The following ZNF804A variants were observed in gnomAD, a reference collection of about 807,000 sequenced individuals.
ZNF804A encodes zinc finger protein 804A.
A neutral mutation model predicts 16.5 loss-of-function variants in ZNF804A; 2 were observed. That is an observed-to-expected ratio of 0.12 (90% confidence interval 0.05 to 0.38). The LOEUF is 0.38. Among genes scored for constraint, ZNF804A ranks in the 10% least tolerant of loss-of-function variants. The pLI is 0.99. For missense variants in ZNF804A, 1,473 were observed against 1,390.7 expected, an observed-to-expected ratio of 1.06 and a Z score of -0.94; for synonymous variants, 534 against 489.6, an observed-to-expected ratio of 1.09 and a Z score of -1.20.
intron 2 of ZNF804A, among the ~76,000 whole-genome samples, chr2:184,873,911 T>C (rs1020221536): frequency 2.0e-5 from 3 of 152,132 alleles, no homozygotes; most frequent in African/African-American, 7.2e-5. Flanking sequence ...GAAAATAATC[T>C]TGTAAATTTA....
chr2:184,749,413 T>A (rs183457998), intron 1 of ZNF804A, among the ~76,000 whole-genome samples: 99 of 151,466 alleles, frequency 6.5e-4, no homozygotes, highest in African/African-American at 2.3e-3. Flanking sequence ...TCCTGATATT[T>A]GTACATTTAT....
At chr2:184,856,552 C>T (rs72905774) in intron 1 of ZNF804A, among the ~76,000 whole-genome samples, 2 of 151,808 alleles carry the variant, frequency 1.3e-5, no homozygotes, top group Admixed American at 6.6e-5. Flanking sequence ...CTGTTAAGTA[C>T]GTATGTGTAA....
intron 1 of ZNF804A, among the ~76,000 whole-genome samples, chr2:184,797,200 A>T (rs2105781168): frequency 6.6e-6 from 1 of 152,222 alleles, no homozygotes; most frequent in African/African-American, 2.4e-5. Context: ...TGTCTTCATG[A>T]CCTGCCTAGT....
chr2:184,785,619 G>A (rs902949914), intron 1 of ZNF804A, among the ~76,000 whole-genome samples: 16 of 151,868 alleles, frequency 1.1e-4, no homozygotes, highest in African/African-American at 3.9e-4. Context: ...TCCAATTCAA[G>A]TCTGGCTAAG....
At chr2:184,625,260 C>T (rs359887) in intron 1 of ZNF804A, among the ~76,000 whole-genome samples, 148,851 of 152,284 alleles carry the variant, frequency 0.98, 72,807 homozygotes, top group Non-Finnish European at 0.99. Flanking sequence ...ATTATAAATA[C>T]GACAAAAATT....
intron 1 of ZNF804A, among the ~76,000 whole-genome samples, chr2:184,725,418 A>C (rs761530704): frequency 1.3e-5 from 2 of 151,740 alleles, no homozygotes; most frequent in Non-Finnish European, 3.0e-5. Flanking sequence ...AGTAAATATA[A>C]AATAATATGA....
intron 1 of ZNF804A, among the ~76,000 whole-genome samples, chr2:184,756,602 T>C (rs542771857): frequency 6.6e-6 from 1 of 152,066 alleles, no homozygotes; most frequent in Non-Finnish European, 1.5e-5. Flanking sequence ...CATAAAGGAG[T>C]GCCTAATGTA....
chr2:184,936,634 A>C lies in ZNF804A; in HGVS notation c.1238A>C (p.Lys413Thr), dbSNP rs1360098509. The C allele has an allele frequency of 6.2e-7, 1 of 1,613,928 alleles. No individual in the cohort carries two copies. The highest frequency in any genetic ancestry group is 1.3e-5 in the African/African-American group (1 of 74,920). The part of the protein sequence containing the change: ...NTEEVNITIH[K>T]KTNFCKRQCE... Reference sequence around the variant, plus strand: ...GAAGAGGTTAACATAACTATACATAAGAAAACAAATTTCTGCAAAAGACAA... The same window carrying C: ...GAAGAGGTTAACATAACTATACATACGAAAACAAATTTCTGCAAAAGACAA... Residue 413 changes from lysine (K) to threonine (T), a missense_variant, in exon 4 of 4, where the codon AAG becomes ACG. Physicochemically the swap from Lys to Thr is moderately conservative, Grantham distance 78. Coordinates refer to ENST00000302277, the MANE Select transcript of ZNF804A (RefSeq NM_194250.2).
chr2:184,598,867 C>T lies in ZNF804A; in HGVS notation c.-93C>T. 1 of 712,592 alleles carries T rather than the reference C, an allele frequency of 1.4e-6. No homozygotes were observed. Among genetic ancestry groups the T allele is most frequent in the Non-Finnish European group, 2.1e-6 (1 of 480,038 alleles). 44.1% of individuals were successfully genotyped at this position (712,592 alleles called of 1,614,324 possible). A position where few individuals can be genotyped will look rare whatever the true frequency, so the allele number is the denominator to read the frequency against. ...TGGCTGCGTGCCCTCGTGGCGGGTT[C>T]CCAGCCCACCGTCGCCGGCCCCGGC... is the stretch of plus-strand genomic sequence containing the variant. On this transcript the variant is annotated 5_prime_UTR_variant, in exon 1 of 4. Transcript: ENST00000302277.
chr2:184,768,504 G>A (rs1574203210), intron 1 of ZNF804A, among the ~76,000 whole-genome samples: 1 of 152,166 alleles, frequency 6.6e-6, no homozygotes, highest in Non-Finnish European at 1.5e-5. Flanking sequence ...AAATGTTAGA[G>A]TGCATTGGAA....
At chr2:184,754,253 C>T (rs907314850) in intron 1 of ZNF804A, among the ~76,000 whole-genome samples, 4 of 151,944 alleles carry the variant, frequency 2.6e-5, no homozygotes, top group Non-Finnish European at 5.9e-5. Context: ...TTAGTTATAA[C>T]GCTCTAATTT....
In ZNF804A at chr2:184,937,935, A is replaced by G; in HGVS notation, c.2539A>G (p.Arg847Gly). Reference protein sequence around the residue: ...KDNSSLNPLDRLISEDKKEKM... With the variant: ...KDNSSLNPLDGLISEDKKEKM... ...CAATTCTTCCTTAAATCCTCTGGAT[A>G]GGTTAATAAGTGAAGACAAAAAAGA... The change falls in exon 4 of 4, where the codon AGG (arginine) becomes GGG (glycine). Residue 847 changes from arginine to glycine, a missense_variant. Arg to Gly is a moderately radical substitution (Grantham distance 125). Transcript: ENST00000302277. 6.2e-7 allele frequency: 1 copy of G among 1,613,872 alleles called. No individual in the cohort carries two copies. The highest frequency in any genetic ancestry group is 2.2e-5 in the East Asian group (1 of 44,862).
intron 1 of ZNF804A, among the ~76,000 whole-genome samples, chr2:184,810,100 A>T (rs1311839298): frequency 6.6e-6 from 1 of 152,182 alleles, no homozygotes; most frequent in African/African-American, 2.4e-5. Context: ...AATACTGGTG[A>T]AAAACTTAGT....
At chr2:184,772,257 C>T (rs1417822603) in intron 1 of ZNF804A, among the ~76,000 whole-genome samples, 17 of 145,746 alleles carry the variant, frequency 1.2e-4, no homozygotes, top group Non-Finnish European at 1.5e-5. Flanking sequence ...TTCATCACTC[C>T]CCTTGACCAA....
intron 1 of ZNF804A, among the ~76,000 whole-genome samples, chr2:184,761,805 A>C (rs1694039854): frequency 6.6e-6 from 1 of 152,142 alleles, no homozygotes; most frequent in African/African-American, 2.4e-5. Context: ...AGGTGTTAAG[A>C]TCATGTCTAT....
intron 1 of ZNF804A, among the ~76,000 whole-genome samples, chr2:184,800,162 C>G (rs1694701809): frequency 6.6e-6 from 1 of 151,886 alleles, no homozygotes; most frequent in Non-Finnish European, 1.5e-5. Context: ...TAACTTGTGT[C>G]TTTTGTCCTT....
At chr2:184,808,023 A>G (rs72903776) in intron 1 of ZNF804A, among the ~76,000 whole-genome samples, 7,610 of 151,638 alleles carry the variant, frequency 0.05, 247 homozygotes, top group Non-Finnish European at 0.075. Context: ...GTTTTCTTTG[A>G]ATTGCAGAAT....
chr2:184,672,536 G>A (rs1692353198), intron 1 of ZNF804A, among the ~76,000 whole-genome samples: 1 of 152,094 alleles, frequency 6.6e-6, no homozygotes, highest in African/African-American at 2.4e-5. Flanking sequence ...GTTTTGTGAT[G>A]AAATTATAAA....
intron 1 of ZNF804A, among the ~76,000 whole-genome samples, chr2:184,821,191 G>A (rs1308889026): frequency 2.6e-5 from 4 of 152,026 alleles, no homozygotes; most frequent in South Asian, 2.1e-4. Flanking sequence ...TAACCAAACA[G>A]CATGGTACTG....
Sources: allele counts gnomAD v4.1 joint callset (sites outside exome capture counted in the v4.1 genomes callset), GRCh38; gene constraint gnomAD v4.1.1; transcripts MANE v1.5; gene names NCBI Gene and HGNC (gene_info 2026-07-23, HGNC 2026-07-21).